The following FKBP1B variants were observed in gnomAD, a reference collection of about 807,000 sequenced individuals.
The protein encoded by FKBP1B is peptidyl-prolyl cis-trans isomerase FKBP1B.
FKBP1B carries 4 observed loss-of-function variants against 13.5 expected under a neutral mutation model. That is an observed-to-expected ratio of 0.30 (90% CI 0.15 to 0.68). FKBP1B has a LOEUF of 0.68. Among genes scored for constraint, FKBP1B ranks in the 30% least tolerant of loss-of-function variants. The pLI is 0.76. For synonymous variants in FKBP1B, 54 were observed against 53.6 expected (o/e 1.01, Z -0.03); for missense variants, 93 against 136.2 (o/e 0.68, Z 1.58).
chr2:24,041,447 T>G, the FKBP1B span, among the ~76,000 whole-genome samples: 2 of 152,228 alleles, frequency 1.3e-5, no homozygotes, highest in African/African-American at 4.8e-5. Flanking sequence ...CAATTTGGTG[T>G]TTAGCCTCTG....
chr2:24,042,535 CAA>C, the FKBP1B span, among the ~76,000 whole-genome samples: 9 of 61,578 alleles, frequency 1.5e-4, no homozygotes, highest in African/African-American at 4.1e-4. Context: ...TACTCCGTCT[CAA>C]AAAAAAAAAA....
the FKBP1B span, chr2:24,039,295 G>A: frequency 1.1e-5 from 17 of 1,614,216 alleles, no homozygotes; most frequent in Non-Finnish European, 1.4e-5. Context: ...TGCAACAGGT[G>A]GGGCCCAGGA....
At chr2:24,034,770 T>G in the FKBP1B span, among the ~76,000 whole-genome samples, 2 of 151,952 alleles carry the variant, frequency 1.3e-5, no homozygotes, top group African/African-American at 4.8e-5. Context: ...AGACAGGGTT[T>G]TGCCATGCTG....
At chr2:24,041,191 T>C in the FKBP1B span, among the ~76,000 whole-genome samples, 160 of 151,274 alleles carry the variant, frequency 1.1e-3, no homozygotes, top group Non-Finnish European at 2.0e-3. Flanking sequence ...ATACAAAAAT[T>C]AGCCGGGCAT....
At chr2:24,051,395 T>G (rs1663863831) in intron 1 of FKBP1B, among the ~76,000 whole-genome samples, 1 of 152,124 alleles carries the variant, frequency 6.6e-6, no homozygotes, top group Non-Finnish European at 1.5e-5. Context: ...AGAAGATGTT[T>G]TAATGATTCT....
chr2:24,049,677 C>T (rs1311922240), upstream of FKBP1B: 4 of 427,992 alleles, frequency 9.3e-6, no homozygotes, highest in South Asian at 1.3e-4. Context: ...TCCGCCCCGC[C>T]GCCCCCTTGC....
chr2:24,033,227 T>C, the FKBP1B span: 4 of 530,292 alleles, frequency 7.5e-6, no homozygotes, highest in Admixed American at 4.6e-5. Context: ...AAAAGGATGA[T>C]GGACAGCAGC....
the FKBP1B span, among the ~76,000 whole-genome samples, chr2:24,042,334 G>A: frequency 6.6e-6 from 1 of 151,796 alleles, no homozygotes; most frequent in Non-Finnish European, 1.5e-5. Context: ...TCAGGAGATC[G>A]AGACCATCCT....
At chr2:24,038,698 T>G in the FKBP1B span, 1 of 1,614,228 alleles carries the variant, frequency 6.2e-7, no homozygotes, top group Non-Finnish European at 8.5e-7. Flanking sequence ...TGTTTCAGAA[T>G]CAGTTGCCTC....
chr2:24,038,503 G>T, the FKBP1B span: 1 of 1,614,202 alleles, frequency 6.2e-7, no homozygotes, highest in African/African-American at 1.3e-5. Context: ...GACTTTTCTC[G>T]TCATGGTAAC....
At chr2:24,038,466 A>T in the FKBP1B span, 2 of 1,614,234 alleles carry the variant, frequency 1.2e-6, no homozygotes, top group Non-Finnish European at 1.7e-6. Flanking sequence ...ATGCTATCAG[A>T]TCAGGAACCA....
At chr2:24,048,050 T>TG (rs1663688584), upstream of FKBP1B, among the ~76,000 whole-genome samples, 1 of 152,126 alleles carries the variant, frequency 6.6e-6, no homozygotes, top group African/African-American at 2.4e-5. Flanking sequence ...GATGAGGAAA[T>TG]GGAGGAAGAA....
chr2:24,051,700 C>T (rs775005601), intron 1 of FKBP1B, among the ~76,000 whole-genome samples: 4 of 152,200 alleles, frequency 2.6e-5, no homozygotes, highest in Non-Finnish European at 5.9e-5. Flanking sequence ...TTCACTTCCT[C>T]TGGCAAACTC....
At chr2:24,048,512 C>A (rs1314274050), upstream of FKBP1B, among the ~76,000 whole-genome samples, 2 of 150,088 alleles carry the variant, frequency 1.3e-5, no homozygotes, top group African/African-American at 4.9e-5. Flanking sequence ...GAGACGGGAT[C>A]TCGCTATGTT....
At chr2:24,044,999 G>A (rs1045876417), upstream of FKBP1B, among the ~76,000 whole-genome samples, 2 of 152,016 alleles carry the variant, frequency 1.3e-5, no homozygotes, top group African/African-American at 2.4e-5. Context: ...TGATCATAAA[G>A]GGCATGCTGA....
the FKBP1B span, chr2:24,039,500 T>C: frequency 3.1e-6 from 5 of 1,608,280 alleles, no homozygotes; most frequent in Non-Finnish European, 2.6e-6. Context: ...TCCATCCTTT[T>C]GATAAAGGTT....
intron 2 of FKBP1B, among the ~76,000 whole-genome samples, chr2:24,057,581 C>T (rs1392825774): frequency 2.0e-5 from 3 of 152,148 alleles, no homozygotes; most frequent in Non-Finnish European, 4.4e-5. Context: ...CCATGTTGGT[C>T]AGGCTGGTCT....
At chr2:24,043,534 A>C in the FKBP1B span, among the ~76,000 whole-genome samples, 6 of 152,192 alleles carry the variant, frequency 3.9e-5, no homozygotes, top group African/African-American at 1.4e-4. Flanking sequence ...AACAATCTAC[A>C]AACATATATA....
At chr2:24,036,343 T>TA in the FKBP1B span, among the ~76,000 whole-genome samples, 134 of 138,828 alleles carry the variant, frequency 9.7e-4, no homozygotes, top group Middle Eastern at 3.9e-3. Context: ...CTGTCTCTGC[T>TA]AAAAAAAAAA....
Sources: gnomAD v4.1 joint callset for allele counts (sites outside exome capture counted in the v4.1 genomes callset) on GRCh38, gnomAD v4.1.1 for gene constraint, MANE v1.5 for transcripts, NCBI Gene and HGNC (gene_info 2026-07-23, HGNC 2026-07-21) for gene names.